GPC5: variants seen among roughly 807,000 people sequenced by gnomAD.
The protein encoded by GPC5 is glypican-5.
GPC5 carries 47 observed loss-of-function variants against 53.9 expected under a neutral mutation model. The observed-to-expected ratio is 0.87, with a 90% CI of 0.69 to 1.11. GPC5 has a LOEUF of 1.11. GPC5 is among the 50% of genes most tolerant of loss of function. The pLI, the probability that GPC5 is intolerant of heterozygous loss-of-function variation, is 0.00. For synonymous variants in GPC5, 286 were observed against 263.3 expected (o/e 1.09, Z -0.84); for missense variants, 748 against 713.1 (o/e 1.05, Z -0.56).
At chr13:91,476,847 A>G (rs1327985156) in intron 2 of GPC5, among the ~76,000 whole-genome samples, 1 of 152,228 alleles carries the variant, frequency 6.6e-6, no homozygotes, top group Non-Finnish European at 1.5e-5. Context: ...AAGAAGATAC[A>G]AATAGTGGAA....
chr13:91,576,339 T>A (rs914992221), intron 2 of GPC5, among the ~76,000 whole-genome samples: 20 of 142,670 alleles, frequency 1.4e-4, no homozygotes, highest in African/African-American at 3.2e-4. Context: ...ATATATATAT[T>A]GAAATCTGTT....
chr13:92,361,435 T>C (rs367744526), intron 7 of GPC5, among the ~76,000 whole-genome samples: 2 of 151,818 alleles, frequency 1.3e-5, no homozygotes, highest in South Asian at 2.1e-4. Context: ...AGTCTTTAAG[T>C]TGCTTTAAGA....
intron 2 of GPC5, among the ~76,000 whole-genome samples, chr13:91,623,007 A>C (rs1332223223): frequency 6.6e-6 from 1 of 152,098 alleles, no homozygotes; most frequent in Non-Finnish European, 1.5e-5. Context: ...ACAATATTAT[A>C]ATGGATCAGA....
intron 7 of GPC5, among the ~76,000 whole-genome samples, chr13:92,368,342 C>T (rs1483925621): frequency 6.6e-6 from 1 of 150,654 alleles, no homozygotes; most frequent in African/African-American, 2.4e-5. Flanking sequence ...CTCAGAAATA[C>T]AACTCTAAAG....
chr13:91,964,188 G>A (rs138011140), intron 6 of GPC5, among the ~76,000 whole-genome samples: 4,170 of 152,278 alleles, frequency 0.027, 143 homozygotes, highest in African/African-American at 0.083. Flanking sequence ...CCTTCACAGT[G>A]AGTGTTACAG....
chr13:91,707,577 C>T (rs150247320), intron 3 of GPC5, among the ~76,000 whole-genome samples: 12 of 152,158 alleles, frequency 7.9e-5, no homozygotes, highest in South Asian at 2.1e-4. Context: ...GCCATGATCG[C>T]GCCACTGCAC....
intron 5 of GPC5, among the ~76,000 whole-genome samples, chr13:91,827,886 T>C (rs895265452): frequency 3.3e-5 from 5 of 152,046 alleles, no homozygotes; most frequent in African/African-American, 1.2e-4. Flanking sequence ...GACTTGTTTA[T>C]ACGTACTCAC....
Position 92,136,500 on chromosome 13 carries a change from TTATAG to T in GPC5, c.1402-8325_1402-8321del, listed in dbSNP as rs547066941. 2.8e-4 allele frequency among the ~76,000 whole-genome samples: 43 copies of T among 152,298 alleles called. 1 individual carries two copies. In the South Asian group the frequency reaches 8.9e-3, roughly 32 times the overall value. On this transcript the variant is annotated intron_variant, in intron 6 of 7. Transcript: ENST00000377067. ...ACTAATTTTCACCTACCTATACTCATTATAGTATAAAAGTGTACAAGTGCATATTT... is the reference window on the plus strand; with the variant it reads ...ACTAATTTTCACCTACCTATACTCATTATAAAAGTGTACAAGTGCATATTT...
intron 6 of GPC5, among the ~76,000 whole-genome samples, chr13:92,115,599 C>T (rs1275889436): frequency 6.6e-6 from 1 of 152,124 alleles, no homozygotes; most frequent in African/African-American, 2.4e-5. Flanking sequence ...CTCTCAGTCC[C>T]TATAGCAACT....
At chr13:92,113,996 G>A (rs567837321) in intron 6 of GPC5, among the ~76,000 whole-genome samples, 2 of 152,194 alleles carry the variant, frequency 1.3e-5, no homozygotes, top group East Asian at 1.9e-4. Flanking sequence ...GTTTAGTATC[G>A]GGTTATATGG....
intron 7 of GPC5, among the ~76,000 whole-genome samples, chr13:92,180,133 G>T (rs567588467): frequency 1.2e-4 from 18 of 152,208 alleles, no homozygotes; most frequent in African/African-American, 4.1e-4. Context: ...TTCTCCATGT[G>T]GTGGTCCAGG....
chr13:91,439,722 T>C (rs753532175), intron 1 of GPC5, among the ~76,000 whole-genome samples: 1 of 152,208 alleles, frequency 6.6e-6, no homozygotes, highest in Non-Finnish European at 1.5e-5. Flanking sequence ...ATCTGCCAAG[T>C]CTTACTCAAG....
intron 7 of GPC5, among the ~76,000 whole-genome samples, chr13:92,503,207 G>A (rs1356244749): frequency 1.3e-5 from 2 of 151,838 alleles, no homozygotes; most frequent in Non-Finnish European, 1.5e-5. Flanking sequence ...GTACCATTAA[G>A]TAATTTCTCA....
At position 92,238,436 on chromosome 13, in the gene GPC5, T is replaced by G. The variant is rs1324986756; in HGVS notation, c.1561+93447T>G. On this transcript the variant is annotated intron_variant, in intron 7 of 7. Coordinates refer to ENST00000377067, the MANE Select transcript of GPC5 (RefSeq NM_004466.6). ...GTGGTTTCTCAATGTGGCTCTGATT[T>G]CCATTTCCCTGATGGCCAGTGATGT... Among the ~76,000 whole-genome samples, 14 of 152,248 alleles carry G rather than the reference T, an allele frequency of 9.2e-5. No homozygotes were observed. The East Asian group carries it at 2.5e-3, about 27-fold the overall frequency.
At chr13:92,494,121 G>A (rs1408579257) in intron 7 of GPC5, among the ~76,000 whole-genome samples, 16 of 151,046 alleles carry the variant, frequency 1.1e-4, no homozygotes, top group Non-Finnish European at 2.1e-4. Flanking sequence ...ACGGAGTCTC[G>A]CTCTGTCGCC....
At chr13:91,715,798 C>CTG (rs1321365347) in intron 3 of GPC5, among the ~76,000 whole-genome samples, 1 of 148,138 alleles carries the variant, frequency 6.8e-6, no homozygotes, top group African/African-American at 2.5e-5. Flanking sequence ...CTCTCTCTCT[C>CTG]TCTGTGTGTG....
intron 7 of GPC5, among the ~76,000 whole-genome samples, chr13:92,616,833 C>A (rs1312235179): frequency 1.3e-5 from 2 of 151,930 alleles, no homozygotes; most frequent in Non-Finnish European, 2.9e-5. Context: ...ACTGTAGAAA[C>A]AACAAATGGG....
chr13:92,125,916 G>A (rs1335038444), intron 6 of GPC5, among the ~76,000 whole-genome samples: 1 of 31,296 alleles, frequency 3.2e-5, no homozygotes, highest in African/African-American at 7.9e-5. Context: ...GGAAACATTT[G>A]TTTTTTGGTT....
chr13:91,590,227 T>C (rs1279717643), intron 2 of GPC5, among the ~76,000 whole-genome samples: 1 of 151,824 alleles, frequency 6.6e-6, no homozygotes, highest in African/African-American at 2.4e-5. Context: ...CAAATAAATA[T>C]AAAATACCAA....
Sources: allele counts gnomAD v4.1 joint callset (sites outside exome capture counted in the v4.1 genomes callset), GRCh38; gene constraint gnomAD v4.1.1; transcripts MANE v1.5; gene names NCBI Gene and HGNC (gene_info 2026-07-23, HGNC 2026-07-21).